PTRH1: variants seen among roughly 807,000 people sequenced by gnomAD.
The protein encoded by PTRH1 is peptidyl-tRNA hydrolase 1 homolog.
Under a neutral mutation model 15.7 loss-of-function variants are expected in PTRH1, and 13 were observed. That is an observed-to-expected ratio of 0.83 (90% confidence interval 0.54 to 1.31). PTRH1 has a LOEUF of 1.31. Ranked by LOEUF, PTRH1 falls within the 40% of genes most tolerant of loss-of-function variation. The pLI is 0.00. For synonymous variants in PTRH1, 139 were observed against 136.7 expected, an observed-to-expected ratio of 1.02 and a Z score of -0.12; for missense variants, 319 against 296.2, an observed-to-expected ratio of 1.08 and a Z score of -0.56.
At chr9:127,709,226 A>G (rs1410817646), downstream of PTRH1, among the ~76,000 whole-genome samples, 1 of 152,252 alleles carries the variant, frequency 6.6e-6, no homozygotes, top group Non-Finnish European at 1.5e-5. This position sits in a 1 kb window ranked among gnomAD's most constrained non-coding sequence, Gnocchi z 4.7. Context: ...TGAAAATAAC[A>G]TGCTAAGCAC....
chr9:127,713,039 C>T (rs1398153727), downstream of PTRH1: 1 of 1,613,636 alleles, frequency 6.2e-7, no homozygotes, highest in Admixed American at 1.7e-5. Flanking sequence ...CATCCAGCTG[C>T]CCAGGACTGG....
At chr9:127,695,108 T>C (rs1408228514) in exon 2 of PTRH1, 4 of 702,272 alleles carry the variant, frequency 5.7e-6, no homozygotes, top group African/African-American at 1.7e-5. Context: ...ATGATGATGA[T>C]GCTGCTGCTG....
chr9:127,713,663 T>A (rs377039987), downstream of PTRH1: 1 of 525,712 alleles, frequency 1.9e-6, no homozygotes, highest in Admixed American at 3.0e-5. Flanking sequence ...TGCACCACCA[T>A]GCCTGGCTAC....
At position 127,715,425 on chromosome 9, in the gene PTRH1, C is replaced by G; in HGVS notation, c.96+119G>C. 2 of 1,443,778 alleles carry G rather than the reference C, an allele frequency of 1.4e-6. No homozygotes were observed. Among genetic ancestry groups the G allele is most frequent in the Non-Finnish European group, 1.9e-6 (2 of 1,050,330 alleles). The allele number at this position is 1,443,778 out of a possible 1,614,324, so 89.4% of individuals were successfully genotyped here. ...CAAGAAGTTTGGAGCCCGTCGAGCACTGAACTCACCAGTTAAGAAAACAGA... is the reference window on the plus strand; with the variant it reads ...CAAGAAGTTTGGAGCCCGTCGAGCAGTGAACTCACCAGTTAAGAAAACAGA... On this transcript the variant is annotated intron_variant, in intron 1 of 4. Transcript: ENST00000543175. This position sits in a 1 kb window ranked among gnomAD's most constrained non-coding sequence, Gnocchi z 5.8.
chr9:127,713,705 C>A (rs1842824833), downstream of PTRH1: 2 of 688,286 alleles, frequency 2.9e-6, no homozygotes, highest in South Asian at 1.6e-5. Flanking sequence ...CAGGGTTTCA[C>A]CATGTTGGCC....
chr9:127,707,903 GCTA>G (rs1842683074), intron 1 of PTRH1, among the ~76,000 whole-genome samples: 1 of 152,220 alleles, frequency 6.6e-6, no homozygotes, highest in Admixed American at 6.5e-5. Flanking sequence ...GGTGACCACA[GCTA>G]ATGCTGAGTC....
In PTRH1 at chr9:127,715,648, C is replaced by G. The variant is rs367957409; in HGVS notation, c.-9G>C. The G allele has an allele frequency of 2.1e-4, 343 of 1,610,390 alleles. 1 individual carries two copies. In the African/African-American group the frequency reaches 3.1e-3, roughly 14 times the overall value. ...AAGCCGCCCGGCCTCATGCTGCCCCCATTCACTCCGACACCGCCCCCTGAC... is the reference window on the plus strand; with the variant it reads ...AAGCCGCCCGGCCTCATGCTGCCCCGATTCACTCCGACACCGCCCCCTGAC... On this transcript the variant is annotated 5_prime_UTR_variant, in exon 1 of 5. The change abolishes an upstream ATG in the 5' untranslated region. Coordinates refer to ENST00000543175, the MANE Select transcript of PTRH1 (RefSeq NM_001002913.3). This position sits in a 1 kb window ranked among gnomAD's most constrained non-coding sequence, Gnocchi z 5.8.
chr9:127,712,032 C>A, downstream of PTRH1: 3 of 1,528,006 alleles, frequency 2.0e-6, no homozygotes, highest in Non-Finnish European at 2.6e-6. Flanking sequence ...TCCCACGACC[C>A]AGGCCAGTGA....
Position 127,714,358 on chromosome 9 carries a change from A to G in PTRH1, c.462+21T>C, listed in dbSNP as rs1269508499. On this transcript the variant is annotated intron_variant, in intron 4 of 4. Transcript: ENST00000543175. ...CCCCTGGCCCACCCGACCCAGTTGC[A>G]CAACAAAAGGGTAGACTCACATTGG... is the stretch of plus-strand genomic sequence containing the variant. 5 of 1,614,180 alleles carry G rather than the reference A, an allele frequency of 3.1e-6. No individual in the cohort carries two copies. In the Admixed American group the frequency reaches 8.3e-5, roughly 27 times the overall value.
rs760133377 is a variant in PTRH1, at chr9:127,715,564, G to T, written c.76C>A (p.Pro26Thr). 1 of 1,613,546 alleles carries T rather than the reference G, an allele frequency of 6.2e-7. No individual in the cohort carries two copies. Residue 26 changes from proline to threonine, a missense_variant, in exon 1 of 5, where the codon CCC becomes ACC. Physicochemically the swap from Pro to Thr is conservative, Grantham distance 38 (BLOSUM62 -1). Coordinates refer to ENST00000543175, the MANE Select transcript of PTRH1 (RefSeq NM_001002913.3). The surrounding 1 kb of genome is among the most constrained non-coding windows in gnomAD (Gnocchi z 5.8). ...CTCACCATCCACCGCTTCCCCGGGG[G>T]GCGAGGCTCCAAAACACATCGGCTC... ...AMSRCVLEPR[P>T]PGKRWMVAGL... is the part of the protein sequence containing the mutation.
intron 1 of PTRH1, among the ~76,000 whole-genome samples, chr9:127,703,767 C>T (rs967921848): frequency 2.6e-5 from 4 of 152,196 alleles, no homozygotes; most frequent in African/African-American, 4.8e-5. Context: ...CAGCTGGTCT[C>T]GCCCCGCCTG....
At chr9:127,709,268 A>G (rs1296960333), downstream of PTRH1, among the ~76,000 whole-genome samples, 2 of 152,232 alleles carry the variant, frequency 1.3e-5, no homozygotes, top group African/African-American at 4.8e-5. This position sits in a 1 kb window ranked among gnomAD's most constrained non-coding sequence, Gnocchi z 4.7. Context: ...CTGTCGGACC[A>G]AGGGGCATAG....
downstream of PTRH1, chr9:127,711,253 C>G: frequency 1.9e-6 from 3 of 1,614,096 alleles, no homozygotes; most frequent in Non-Finnish European, 1.7e-6. Context: ...TCATCCAGCG[C>G]GTGAACCTCG....
At position 127,714,503 on chromosome 9, in the gene PTRH1, G is replaced by C. The variant is rs933609136; in HGVS notation, c.417-79C>G. 1.0e-5 allele frequency: 16 copies of C among 1,601,536 alleles called. No individual in the cohort carries two copies. In the African/African-American group the frequency reaches 1.9e-4, roughly 19 times the overall value. ...ACCCCTCCCTGCCCCGGCTGGGTCAGAGCAGCCCATTTCCTGTGGAGACTG... is the reference window on the plus strand; with the variant it reads ...ACCCCTCCCTGCCCCGGCTGGGTCACAGCAGCCCATTTCCTGTGGAGACTG... On this transcript the variant is annotated intron_variant, in intron 3 of 4. Transcript: ENST00000543175.
intron 1 of PTRH1, among the ~76,000 whole-genome samples, chr9:127,702,477 C>A (rs1432636176): frequency 6.6e-6 from 1 of 151,944 alleles, no homozygotes; most frequent in Non-Finnish European, 1.5e-5. Flanking sequence ...ATCAAGGCTG[C>A]AGTGAACTGT....
Position 127,715,574 on chromosome 9 carries a change from C to G in PTRH1, c.66G>C (p.Leu22Phe). ...RLSRAMSRCV[L>F]EPRPPGKRWM... ...ACCGCTTCCCCGGGGGGCGAGGCTC[C>G]AAAACACATCGGCTCATGGCTCTAC... Residue 22 changes from leucine (L) to phenylalanine (F), a missense_variant, in exon 1 of 5, where the codon TTG (leucine) becomes TTC (phenylalanine). Leu to Phe is a conservative substitution (Grantham distance 22). Coordinates refer to ENST00000543175, the MANE Select transcript of PTRH1 (RefSeq NM_001002913.3). The surrounding 1 kb of genome is among the most constrained non-coding windows in gnomAD (Gnocchi z 5.8). 6.2e-7 allele frequency: 1 copy of G among 1,613,520 alleles called. No homozygotes were observed. Among genetic ancestry groups the G allele is most frequent in the Non-Finnish European group, 8.5e-7 (1 of 1,180,030 alleles).
At chr9:127,712,166 G>C, downstream of PTRH1, 1 of 1,612,078 alleles carries the variant, frequency 6.2e-7, no homozygotes, top group East Asian at 2.2e-5. Context: ...GGGGAAGGGG[G>C]AAGGCTGTTG....
intron 1 of PTRH1, among the ~76,000 whole-genome samples, chr9:127,696,709 A>G (rs909848608): frequency 6.6e-6 from 1 of 152,172 alleles, no homozygotes; most frequent in Non-Finnish European, 1.5e-5. Flanking sequence ...AAAATAAAAA[A>G]AAATTAGCTG....
At chr9:127,707,106 G>A (rs377081638) in intron 1 of PTRH1, 185 of 1,613,890 alleles carry the variant, frequency 1.1e-4, no homozygotes, top group Admixed American at 2.8e-4. Context: ...AGAAGGAGCC[G>A]GTGGTGGCCG....
Sources: allele counts gnomAD v4.1 joint callset (sites outside exome capture counted in the v4.1 genomes callset), GRCh38; gene constraint gnomAD v4.1.1; non-coding constraint Gnocchi (gnomAD v3.1); transcripts MANE v1.5; gene names NCBI Gene and HGNC (gene_info 2026-07-23, HGNC 2026-07-21).